IPO11: variants seen among roughly 807,000 people sequenced by gnomAD.
The protein encoded by IPO11 is importin-11.
In IPO11, 66 loss-of-function variants were observed where a neutral mutation model predicts 143.2. The observed-to-expected ratio is 0.46, with a 90% CI of 0.38 to 0.57. The LOEUF (loss-of-function observed/expected upper bound fraction) is 0.57, where lower values mean the gene tolerates loss of function less well. Among genes scored for constraint, IPO11 ranks in the 20% least tolerant of loss-of-function variants. IPO11 has a pLI of 0.00. For missense variants in IPO11, 1,026 were observed against 1,141.0 expected, an observed-to-expected ratio of 0.90 and a Z score of 1.45; for synonymous variants, 385 against 377.8, an observed-to-expected ratio of 1.02 and a Z score of -0.22.
chr5:62,465,211 T>C (rs908511233), intron 5 of IPO11, among the ~76,000 whole-genome samples: 1 of 152,218 alleles, frequency 6.6e-6, no homozygotes, highest in Non-Finnish European at 1.5e-5. Context: ...TCTTTCACTT[T>C]CTTCTGACAA....
intron 19 of IPO11, among the ~76,000 whole-genome samples, chr5:62,513,159 G>C (rs1741827358): frequency 1.3e-5 from 2 of 150,806 alleles, no homozygotes; most frequent in African/African-American, 4.9e-5. Context: ...CAGTAGGGGC[G>C]GCCGGGCAGA....
At chr5:62,607,754 A>G (rs1027740474) in intron 29 of IPO11, among the ~76,000 whole-genome samples, 1 of 151,698 alleles carries the variant, frequency 6.6e-6, no homozygotes, top group African/African-American at 2.4e-5. Context: ...TTCTTTTCTC[A>G]ACTTGCGCAG....
At chr5:62,623,348 TAAGTGAC>T (rs1172707144) in intron 29 of IPO11, among the ~76,000 whole-genome samples, 1 of 152,216 alleles carries the variant, frequency 6.6e-6, no homozygotes, top group East Asian at 1.9e-4. Flanking sequence ...TCTACATTTC[TAAGTGAC>T]AAAAATTAAA....
At chr5:62,526,721 C>A (rs1415116319) in intron 21 of IPO11, 1 of 153,478 alleles carries the variant, frequency 6.5e-6, no homozygotes, top group African/African-American at 2.4e-5. Flanking sequence ...AAAAAAAATG[C>A]CCTGCTTCTG....
intron 20 of IPO11, among the ~76,000 whole-genome samples, chr5:62,520,623 G>GTT (rs149165777): frequency 6.6e-6 from 1 of 152,284 alleles, no homozygotes; most frequent in African/African-American, 2.4e-5. Context: ...AACGTGCTGT[G>GTT]TTTGGTTTTC....
At chr5:62,467,356 T>A in intron 6 of IPO11, 93 bp downstream of exon 6, 2 of 1,325,108 alleles carry the variant, frequency 1.5e-6, no homozygotes, top group Non-Finnish European at 2.1e-6. Flanking sequence ...GTTCCCAGTT[T>A]CACTGGAAAA....
At chr5:62,583,156 A>C (rs1744632206) in intron 27 of IPO11, among the ~76,000 whole-genome samples, 1 of 152,176 alleles carries the variant, frequency 6.6e-6, no homozygotes, top group Non-Finnish European at 1.5e-5. Context: ...GACATTTTTA[A>C]TAATGTATTT....
chr5:62,478,359 G>T (rs1028576501), intron 9 of IPO11, among the ~76,000 whole-genome samples: 2 of 151,980 alleles, frequency 1.3e-5, no homozygotes, highest in Non-Finnish European at 2.9e-5. Context: ...TAGAGATAGG[G>T]TTTTGCCATG....
intron 3 of IPO11, among the ~76,000 whole-genome samples, chr5:62,444,187 A>C (rs533826112): frequency 1.3e-5 from 2 of 148,184 alleles, no homozygotes; most frequent in African/African-American, 2.5e-5. Flanking sequence ...GCTCTGCCTC[A>C]CGGGTTCAGG....
intron 1 of IPO11, chr5:62,419,182 C>G (rs931573271): frequency 6.5e-7 from 1 of 1,526,850 alleles, no homozygotes. Flanking sequence ...TGTAAAAATA[C>G]AGTGTAGAAG....
intron 29 of IPO11, among the ~76,000 whole-genome samples, chr5:62,613,591 C>T (rs371229229): frequency 3.3e-5 from 5 of 152,182 alleles, no homozygotes; most frequent in East Asian, 3.9e-4. Context: ...GTGTGAGCCA[C>T]CACGCCTGGC....
intron 29 of IPO11, among the ~76,000 whole-genome samples, chr5:62,616,185 A>G (rs1158496182): frequency 6.6e-6 from 1 of 152,164 alleles, no homozygotes; most frequent in African/African-American, 2.4e-5. Context: ...GGACATATCT[A>G]TCTAACGGCA....
chr5:62,591,187 T>G (rs1424153266), intron 27 of IPO11, among the ~76,000 whole-genome samples: 1 of 152,200 alleles, frequency 6.6e-6, no homozygotes, highest in African/African-American at 2.4e-5. Flanking sequence ...AGATACTTGT[T>G]TTACAAATAT....
intron 27 of IPO11, among the ~76,000 whole-genome samples, chr5:62,568,048 C>A (rs1744014695): frequency 1.3e-5 from 2 of 152,004 alleles, no homozygotes; most frequent in South Asian, 4.1e-4. Flanking sequence ...TCACTGCAGC[C>A]TCAACCTCCT....
At chr5:62,509,704 A>G (rs1413193491) in intron 19 of IPO11, among the ~76,000 whole-genome samples, 1 of 152,168 alleles carries the variant, frequency 6.6e-6, no homozygotes, top group Non-Finnish European at 1.5e-5. Context: ...GATTCTATGA[A>G]TTAGACTATT....
At chr5:62,426,255 C>G (rs1232529498) in intron 1 of IPO11, among the ~76,000 whole-genome samples, 1 of 152,062 alleles carries the variant, frequency 6.6e-6, no homozygotes, top group Non-Finnish European at 1.5e-5. Flanking sequence ...GGCATGGTGG[C>G]GGGTACCTGT....
At chr5:62,481,271 C>T (rs1746201248) in intron 9 of IPO11, among the ~76,000 whole-genome samples, 1 of 152,090 alleles carries the variant, frequency 6.6e-6, no homozygotes, top group Non-Finnish European at 1.5e-5. Context: ...TGCCTGATTG[C>T]CCTGGCCGGA....
intron 2 of IPO11, among the ~76,000 whole-genome samples, chr5:62,440,349 C>CCTTTT (rs1561311439): frequency 7.6e-6 from 1 of 132,156 alleles, no homozygotes. Flanking sequence ...TGTACGTCCC[C>CCTTTT]TTTTTTTTTT....
In IPO11 at chr5:62,451,845, G is replaced by C. The variant is rs751768550; in HGVS notation, c.428G>C (p.Arg143Pro). 3 of 1,613,680 alleles carry C rather than the reference G, an allele frequency of 1.9e-6. No individual in the cohort carries two copies. The highest frequency in any genetic ancestry group is 2.7e-5 in the African/African-American group (2 of 74,908). ...TCTGTTAAAGTCCAGGATGATCTTC[G>C]ACAGCACAGAGCATTACTTACCTTC... Reference protein sequence around the residue: ...IESVKVQDDLRQHRALLTFYH... With the variant: ...IESVKVQDDLPQHRALLTFYH... Residue 143 changes from arginine to proline, a missense_variant, in exon 5 of 30, where the codon CGA becomes CCA. Coordinates refer to ENST00000325324, the MANE Select transcript of IPO11 (RefSeq NM_016338.5).
Sources: allele counts gnomAD v4.1 joint callset (sites outside exome capture counted in the v4.1 genomes callset), GRCh38; gene constraint gnomAD v4.1.1; transcripts MANE v1.5; gene names NCBI Gene and HGNC (gene_info 2026-07-23, HGNC 2026-07-21).